PPIL3: variants seen among roughly 807,000 people sequenced by gnomAD.
PPIL3 encodes the protein peptidylprolyl isomerase like 3.
Under a neutral mutation model 20.9 loss-of-function variants are expected in PPIL3, and 13 were observed. The ratio of observed to expected loss-of-function variants is 0.62; its 90% CI spans 0.40 to 0.99. The LOEUF (loss-of-function observed/expected upper bound fraction) is 0.99, where lower values mean the gene tolerates loss of function less well. Ranked by LOEUF, PPIL3 falls within the 50% of genes least tolerant of loss-of-function variation. PPIL3 has a pLI of 0.00. For synonymous variants in PPIL3, 71 were observed against 64.4 expected, an observed-to-expected ratio of 1.10 and a Z score of -0.49; for missense variants, 170 against 195.2, an observed-to-expected ratio of 0.87 and a Z score of 0.77.
intron 6 of PPIL3, among the ~76,000 whole-genome samples, chr2:200,876,443 G>T (rs1473419016): frequency 3.3e-5 from 5 of 151,846 alleles, no homozygotes; most frequent in Admixed American, 2.6e-4. Context: ...AGGTCACAGG[G>T]TTGCTAAGTG....
At chr2:200,872,875 G>GTTTTT (rs540748211) in intron 6 of PPIL3, among the ~76,000 whole-genome samples, 1 of 143,230 alleles carries the variant, frequency 7.0e-6, no homozygotes, top group African/African-American at 2.5e-5. Flanking sequence ...CTTTGTACTT[G>GTTTTT]TTTTTTTTTT....
chr2:200,883,668 A>G (rs1460345928), intron 3 of PPIL3, among the ~76,000 whole-genome samples: 5 of 152,190 alleles, frequency 3.3e-5, no homozygotes, highest in African/African-American at 9.7e-5. Context: ...GCTTATTTTT[A>G]CAACTAAAAT....
chr2:200,873,567 TA>T lies in PPIL3; in HGVS notation c.360-2047del, dbSNP rs1333306553. On this transcript the variant is annotated intron_variant, in intron 6 of 6. Coordinates refer to ENST00000392283, the MANE Select transcript of PPIL3 (RefSeq NM_130906.3). ...AATAGGAGAAGAGAAGACTGACAGT[TA>T]ACAGCCTCCAGCAATCCCACTTCAT... Among the ~76,000 whole-genome samples the T allele has an allele frequency of 4.6e-5, 7 of 152,240 alleles. No individual in the cohort carries two copies. In the South Asian group the frequency reaches 1.2e-3, roughly 27 times the overall value.
chr2:200,887,952 C>T (rs544822371), intron 1 of PPIL3, among the ~76,000 whole-genome samples: 291 of 151,010 alleles, frequency 1.9e-3, no homozygotes, highest in African/African-American at 6.4e-3. Context: ...AGCTACTCAG[C>T]AGGCTGCGGC....
At chr2:200,881,388 G>A in intron 5 of PPIL3, 33 bp downstream of exon 5, 2 of 1,548,228 alleles carry the variant, frequency 1.3e-6, no homozygotes, top group African/African-American at 1.4e-5. Flanking sequence ...ACCAAGGCAT[G>A]AGAAATAGAT....
intron 5 of PPIL3, chr2:200,877,622 C>T (rs2136600): frequency 0.33 from 50,054 of 151,944 alleles, 10,992 homozygotes; most frequent in African/African-American, 0.63. Flanking sequence ...ACAAGGGAGG[C>T]TGGACTAGTT....
At chr2:200,873,593 T>C (rs1391574254) in intron 6 of PPIL3, among the ~76,000 whole-genome samples, 4 of 152,118 alleles carry the variant, frequency 2.6e-5, no homozygotes, top group African/African-American at 9.7e-5. Flanking sequence ...TCCCACTTCA[T>C]GTTACCACCA....
intron 5 of PPIL3, among the ~76,000 whole-genome samples, chr2:200,879,994 C>T (rs1200220017): frequency 6.6e-6 from 1 of 152,168 alleles, no homozygotes; most frequent in Non-Finnish European, 1.5e-5. Context: ...ACCTCCCAGC[C>T]TCAACTCCTG....
chr2:200,874,623 TAACTG>T (rs1481515304), intron 6 of PPIL3, among the ~76,000 whole-genome samples: 1 of 152,190 alleles, frequency 6.6e-6, no homozygotes, highest in East Asian at 1.9e-4. Flanking sequence ...GTCCTGGTAA[TAACTG>T]AACAATAATT....
At chr2:200,876,474 C>T (rs187606422) in intron 6 of PPIL3, among the ~76,000 whole-genome samples, 6 of 151,298 alleles carry the variant, frequency 4.0e-5, no homozygotes, top group Admixed American at 1.3e-4. Flanking sequence ...ACTCCAGGTA[C>T]GTTTAGCTCT....
rs557427654 is a variant in PPIL3, at chr2:200,887,668, G to A, written c.-53C>T. On this transcript the variant is annotated 5_prime_UTR_variant, in exon 2 of 7. Transcript: ENST00000392283. ...CTACGTGATTTCTCAGTCTTACAGC[G>A]AGCTCAAAAATAAGTCTCTAGTCCC... 6.1e-5 allele frequency: 93 copies of A among 1,529,362 alleles called. No individual in the cohort carries two copies. Among genetic ancestry groups the A allele is most frequent in the South Asian group, 2.6e-4 (21 of 81,654 alleles). The allele number at this position is 1,529,362 out of a possible 1,614,324, so 94.7% of individuals were successfully genotyped here.
chr2:200,880,216 C>T (rs924988808), intron 5 of PPIL3, among the ~76,000 whole-genome samples: 2 of 151,974 alleles, frequency 1.3e-5, no homozygotes, highest in East Asian at 3.9e-4. Flanking sequence ...CACTGCACTC[C>T]AGCCCAGGGG....
intron 6 of PPIL3, among the ~76,000 whole-genome samples, chr2:200,873,772 C>A (rs2039402540): frequency 6.6e-6 from 1 of 151,724 alleles, no homozygotes; most frequent in South Asian, 2.1e-4. Flanking sequence ...GGTCATCTGA[C>A]TGCATTTTGA....
At chr2:200,885,889 C>T (rs1485670431) in intron 2 of PPIL3, 117 bp from the exon 3 acceptor site, 3 of 616,634 alleles carry the variant, frequency 4.9e-6, no homozygotes, top group Admixed American at 6.8e-5. Context: ...GACAGAAATA[C>T]TGCTTCAGAG....
Position 200,882,584 on chromosome 2 carries a change from T to G in PPIL3, c.79-149A>C. 4 of 643,738 alleles carry G rather than the reference T, an allele frequency of 6.2e-6. No individual in the cohort carries two copies. The South Asian group carries it at 6.7e-5, about 11-fold the overall frequency. 39.9% of individuals were successfully genotyped at this position (643,738 alleles called of 1,614,324 possible). A position where few individuals can be genotyped will look rare whatever the true frequency, so the allele number is the denominator to read the frequency against. ...GATGTCATTTCCCTGCCTACAACACTTCAATAGCTTCCTTCTCCTCTTGAA... is the reference window on the plus strand; with the variant it reads ...GATGTCATTTCCCTGCCTACAACACGTCAATAGCTTCCTTCTCCTCTTGAA... On this transcript the variant is annotated intron_variant, in intron 3 of 6. Coordinates refer to ENST00000392283, the MANE Select transcript of PPIL3 (RefSeq NM_130906.3).
chr2:200,879,038 T>C (rs1358012844), intron 5 of PPIL3, among the ~76,000 whole-genome samples: 2 of 152,192 alleles, frequency 1.3e-5, no homozygotes, highest in African/African-American at 4.8e-5. Context: ...TGAGTAAACA[T>C]TTGGGAATGG....
intron 6 of PPIL3, 57 bp from the exon 7 acceptor site, chr2:200,871,578 A>C: frequency 6.8e-7 from 1 of 1,467,050 alleles, no homozygotes; most frequent in East Asian, 2.3e-5. Flanking sequence ...CATGATATCC[A>C]TATCTATGAC....
At chr2:200,873,195 CTT>C (rs533187117) in intron 6 of PPIL3, among the ~76,000 whole-genome samples, 33 of 140,600 alleles carry the variant, frequency 2.3e-4, no homozygotes, top group Non-Finnish European at 2.0e-4. Context: ...GTATTTCTTT[CTT>C]TTTTTTTTTT....
upstream of PPIL3, chr2:200,889,249 C>T (rs1280376778): frequency 1.2e-5 from 4 of 346,470 alleles, no homozygotes; most frequent in African/African-American, 2.1e-5. Flanking sequence ...ACTACCTGGG[C>T]AACCTCAAGC....
Sources: gnomAD v4.1 joint callset for allele counts (sites outside exome capture counted in the v4.1 genomes callset) on GRCh38, gnomAD v4.1.1 for gene constraint, MANE v1.5 for transcripts, NCBI Gene and HGNC (gene_info 2026-07-23, HGNC 2026-07-21) for gene names.